PTBP3: variants seen among roughly 807,000 people sequenced by gnomAD.
The protein encoded by PTBP3 is polypyrimidine tract binding protein 3.
A neutral mutation model predicts 58.7 loss-of-function variants in PTBP3; 20 were observed. That is an observed-to-expected ratio of 0.34 (90% CI 0.24 to 0.50). PTBP3 has a LOEUF of 0.50. PTBP3 is among the 20% of genes least tolerant of loss of function. The pLI, the probability that PTBP3 is intolerant of heterozygous loss-of-function variation, is 0.98. For synonymous variants in PTBP3, 185 were observed against 219.8 expected (o/e 0.84, Z 1.40); for missense variants, 509 against 637.2 (o/e 0.80, Z 2.17).
chr9:112,229,899 T>C (rs1835135051), intron 10 of PTBP3, among the ~76,000 whole-genome samples: 1 of 152,212 alleles, frequency 6.6e-6, no homozygotes, highest in Non-Finnish European at 1.5e-5. Flanking sequence ...ACTTTTGGTA[T>C]GAAACATGCT....
intron 7 of PTBP3, among the ~76,000 whole-genome samples, chr9:112,245,774 G>C (rs902226725): frequency 2.0e-5 from 3 of 152,176 alleles, no homozygotes; most frequent in African/African-American, 7.2e-5. Context: ...AAAGGCCACA[G>C]AGCCAGTGTG....
At chr9:112,293,816 G>A (rs1331554628) in intron 2 of PTBP3, among the ~76,000 whole-genome samples, 2 of 152,164 alleles carry the variant, frequency 1.3e-5, no homozygotes, top group African/African-American at 2.4e-5. Context: ...ATCTTGAGAA[G>A]GTAGTCGTGT....
intron 5 of PTBP3, among the ~76,000 whole-genome samples, chr9:112,256,350 T>G (rs977485673): frequency 2.0e-5 from 3 of 150,116 alleles, no homozygotes; most frequent in Non-Finnish European, 4.4e-5. Flanking sequence ...TACTATATAT[T>G]TATTTATATA....
chr9:112,325,821 C>A (rs549616244), intron 1 of PTBP3, among the ~76,000 whole-genome samples: 2 of 152,178 alleles, frequency 1.3e-5, no homozygotes, highest in African/African-American at 4.8e-5. Flanking sequence ...CCCAGGAGAC[C>A]AGCCTGGCCA....
At chr9:112,375,751 G>A in the PTBP3 span, among the ~76,000 whole-genome samples, 2 of 152,118 alleles carry the variant, frequency 1.3e-5, no homozygotes, top group Admixed American at 1.3e-4. Context: ...TGCTGTGCAC[G>A]ACCCACTTTA....
At chr9:112,328,231 A>G (rs1247406473) in intron 1 of PTBP3, among the ~76,000 whole-genome samples, 1 of 152,246 alleles carries the variant, frequency 6.6e-6, no homozygotes, top group Non-Finnish European at 1.5e-5. Flanking sequence ...TATCTTTCAC[A>G]CGATCTAGAT....
At chr9:112,322,012 G>A (rs1442640934) in intron 1 of PTBP3, among the ~76,000 whole-genome samples, 2 of 151,664 alleles carry the variant, frequency 1.3e-5, no homozygotes, top group Admixed American at 1.3e-4. Flanking sequence ...GCGTGTACCT[G>A]TAGTCTCAGC....
chr9:112,325,327 C>T (rs866315160), intron 1 of PTBP3, among the ~76,000 whole-genome samples: 1 of 152,084 alleles, frequency 6.6e-6, no homozygotes. Context: ...GGCCCGTCTG[C>T]ACACTGGGGG....
At chr9:112,229,250 G>A (rs1835109794) in intron 10 of PTBP3, among the ~76,000 whole-genome samples, 1 of 152,060 alleles carries the variant, frequency 6.6e-6, no homozygotes, top group African/African-American at 2.4e-5. Flanking sequence ...GTGCTACAGA[G>A]TATCATCAAT....
At chr9:112,302,449 A>T (rs1031667272) in intron 1 of PTBP3, among the ~76,000 whole-genome samples, 16 of 152,200 alleles carry the variant, frequency 1.1e-4, no homozygotes, top group Non-Finnish European at 1.9e-4. Context: ...ACTGGAAAGA[A>T]GAAATGTACA....
the PTBP3 span, among the ~76,000 whole-genome samples, chr9:112,346,061 C>T: frequency 6.6e-6 from 1 of 151,738 alleles, no homozygotes; most frequent in Non-Finnish European, 1.5e-5. Flanking sequence ...CCAGGCTGGT[C>T]TTGAACTCCT....
chr9:112,251,123 G>A lies in PTBP3; in HGVS notation c.628-20C>T. 1 of 1,526,106 alleles carries A rather than the reference G, an allele frequency of 6.6e-7. No individual in the cohort carries two copies. The highest frequency in any genetic ancestry group is 1.8e-4 in the Middle Eastern group (1 of 5,504). 94.5% of individuals were successfully genotyped at this position (1,526,106 alleles called of 1,614,324 possible). ...CAGAGCCTAAAGCATGTAAGAAAGG[G>A]ACTGGTTTTGGCAAGACAACAACAC... On this transcript the variant is annotated intron_variant, in intron 6 of 13. Transcript: ENST00000374257.
intron 2 of PTBP3, among the ~76,000 whole-genome samples, chr9:112,292,707 TG>T (rs1828493367): frequency 6.6e-6 from 1 of 152,194 alleles, no homozygotes; most frequent in Non-Finnish European, 1.5e-5. Flanking sequence ...TCCACTTATA[TG>T]AGGTATCTAA....
intron 7 of PTBP3, among the ~76,000 whole-genome samples, chr9:112,235,352 T>G (rs1372888598): frequency 6.6e-6 from 1 of 152,030 alleles, no homozygotes; most frequent in Non-Finnish European, 1.5e-5. Context: ...TATATTACAA[T>G]TGGAGTAAGA....
chr9:112,314,887 A>G (rs994923658), intron 1 of PTBP3, among the ~76,000 whole-genome samples: 5 of 148,470 alleles, frequency 3.4e-5, no homozygotes, highest in Admixed American at 2.0e-4. Flanking sequence ...GCTGGAGTGC[A>G]GTGGCGCGAT....
intron 10 of PTBP3, among the ~76,000 whole-genome samples, chr9:112,229,182 T>A (rs994961342): frequency 2.6e-5 from 4 of 152,210 alleles, no homozygotes; most frequent in Admixed American, 2.0e-4. Context: ...TTCTACGAAG[T>A]CAATTCCAGT....
At chr9:112,333,899 A>C (rs1230227687), upstream of PTBP3, among the ~76,000 whole-genome samples, 4 of 141,664 alleles carry the variant, frequency 2.8e-5, no homozygotes, top group African/African-American at 1.1e-4. Context: ...CGTTCGCGGG[A>C]GCGCGCGCCT....
chr9:112,375,483 C>T, the PTBP3 span, among the ~76,000 whole-genome samples: 1 of 152,172 alleles, frequency 6.6e-6, no homozygotes, highest in Non-Finnish European at 1.5e-5. Flanking sequence ...TCAGATGATG[C>T]CTGCGTATCA....
intron 2 of PTBP3, among the ~76,000 whole-genome samples, chr9:112,287,125 C>T (rs957958388): frequency 5.3e-4 from 81 of 152,124 alleles, no homozygotes; most frequent in African/African-American, 1.9e-3. Context: ...GTGTGGTTTC[C>T]GTTGTGTTTA....
Sources: gnomAD v4.1 joint callset for allele counts (sites outside exome capture counted in the v4.1 genomes callset) on GRCh38, gnomAD v4.1.1 for gene constraint, MANE v1.5 for transcripts, NCBI Gene and HGNC (gene_info 2026-07-23, HGNC 2026-07-21) for gene names.